Variants in OR8D4 observed in about 807,000 individuals in gnomAD.
OR8D4 encodes the protein olfactory receptor family 8 subfamily D member 4.
For missense variants in OR8D4, 359 were observed against 372.6 expected (o/e 0.96, Z 0.30); for synonymous variants, 141 against 134.8 (o/e 1.05, Z -0.32).
chr11:123,902,376 G>A (rs577540516), intron 1 of OR8D4, 119 bp downstream of exon 1: 1 of 152,210 alleles, frequency 6.6e-6, no homozygotes, highest in African/African-American at 2.4e-5. Context: ...AGTCACAGAA[G>A]TTTAGGGAAG....
In OR8D4 at chr11:123,906,463, A is replaced by C. The variant is rs1162581146; in HGVS notation, c.32A>C (p.Glu11Ala). 3 of 1,610,730 alleles carry C rather than the reference A, an allele frequency of 1.9e-6. No individual in the cohort carries two copies. Among genetic ancestry groups the C allele is most frequent in the African/African-American group, 1.3e-5 (1 of 74,888 alleles). The change falls in exon 2 of 2, where the codon GAG (glutamate) becomes GCG (alanine). Residue 11 changes from glutamate (E) to alanine (A), a missense_variant. Physicochemically the swap from Glu to Ala is moderately radical, Grantham distance 107. Coordinates refer to ENST00000641687, the MANE Select transcript of OR8D4 (RefSeq NM_001005197.2). Reference sequence around the variant, plus strand: ...GTAAAAAACCATTCCACAGTGACTGAGTTTCTTCTTTCAGGATTAACTGAA... The same window carrying C: ...GTAAAAAACCATTCCACAGTGACTGCGTTTCTTCTTTCAGGATTAACTGAA... MGVKNHSTVT[E>A]FLLSGLTEQA... is the part of the protein sequence containing the mutation.
At position 123,905,604 on chromosome 11, in the gene OR8D4, CT is replaced by C. The variant is rs1463568304; in HGVS notation, c.-15-812del. ...AATTCACCTTAACAGTAGATACCTT[CT>C]CTATAGGAAATCCTGGAGGAAGAGT... On this transcript the variant is annotated intron_variant, in intron 1 of 1. Coordinates refer to ENST00000641687, the MANE Select transcript of OR8D4 (RefSeq NM_001005197.2). 7.9e-5 allele frequency among the ~76,000 whole-genome samples: 12 copies of C among 152,304 alleles called. 1 individual carries two copies. The East Asian group carries it at 2.3e-3, about 29-fold the overall frequency.
In OR8D4 at chr11:123,906,854, T is replaced by C; in HGVS notation, c.423T>C (p.Cys141=). ...LYRVIMSPRV[C]SLLVAAVFSV... ...GGGTCATCATGTCCCCTAGGGTCTG[T>C]TCTCTGCTGGTGGCTGCTGTCTTCT... is the stretch of plus-strand genomic sequence containing the variant. The change falls in exon 2 of 2, where the codon TGT becomes TGC. Residue 141 remains cysteine, a synonymous_variant. Transcript: ENST00000641687. 6.2e-7 allele frequency: 1 copy of C among 1,614,046 alleles called. No homozygotes were observed. The highest frequency in any genetic ancestry group is 8.5e-7 in the Non-Finnish European group (1 of 1,179,956).
At chr11:123,905,965 C>T (rs1219190979) in intron 1 of OR8D4, among the ~76,000 whole-genome samples, 1 of 152,148 alleles carries the variant, frequency 6.6e-6, no homozygotes, top group Non-Finnish European at 1.5e-5. Context: ...AAATATCATC[C>T]TATAAAATTT....
At position 123,906,611 on chromosome 11, in the gene OR8D4, C is replaced by T; in HGVS notation, c.180C>T (p.Tyr60=). The T allele has an allele frequency of 3.1e-6, 5 of 1,613,956 alleles. No homozygotes were observed. The highest frequency in any genetic ancestry group is 4.2e-6 in the Non-Finnish European group (5 of 1,179,824). The part of the protein sequence containing the change: ...RLNRQLHTPM[Y]YFLSSLSFLD... ...ATCGTCAACTTCATACCCCCATGTACTATTTCCTGAGTAGTTTGTCTTTTT... is the reference window on the plus strand; with the variant it reads ...ATCGTCAACTTCATACCCCCATGTATTATTTCCTGAGTAGTTTGTCTTTTT... Residue 60 remains tyrosine (Y), a synonymous_variant, in exon 2 of 2, where the codon TAC becomes TAT. Coordinates refer to ENST00000641687, the MANE Select transcript of OR8D4 (RefSeq NM_001005197.2).
chr11:123,904,431 A>G (rs770549080), intron 1 of OR8D4, among the ~76,000 whole-genome samples: 62 of 152,176 alleles, frequency 4.1e-4, no homozygotes, highest in Non-Finnish European at 1.2e-4. Flanking sequence ...TAAAAAACCC[A>G]TGATATTAAA....
rs74740497 is a variant in OR8D4 at position 123,906,734 on chromosome 11, G to GTT, written c.310_311dup (p.Cys105SerfsTer48). 3 of 1,612,352 alleles carry GTT rather than the reference G, an allele frequency of 1.9e-6. No individual in the cohort carries two copies. The highest frequency in any genetic ancestry group is 2.7e-5 in the African/African-American group (2 of 74,878). ...CCTATTCTGGATGCATGATTCAGCT[G>GTT]TTTTTTTTCTGTGTTTGTGTTATTT... On this transcript the variant is annotated frameshift_variant, in exon 2 of 2. Coordinates refer to ENST00000641687, the MANE Select transcript of OR8D4 (RefSeq NM_001005197.2). LOFTEE classifies it low-confidence loss of function (END_TRUNC).
Position 123,907,049 on chromosome 11 carries a change from C to T in OR8D4, c.618C>T (p.Asn206=), listed in dbSNP as rs1316596058. The T allele has an allele frequency of 1.9e-6, 3 of 1,614,078 alleles. No individual in the cohort carries two copies. The highest frequency in any genetic ancestry group is 2.2e-5 in the East Asian group (1 of 44,856). ...ELLIFVIGGF[N]MVATSLTIII... is the part of the protein sequence containing the mutation. Reference sequence around the variant, plus strand: ...TGATTTTTGTCATTGGTGGATTTAACATGGTGGCCACAAGCCTAACAATCA... The same window carrying T: ...TGATTTTTGTCATTGGTGGATTTAATATGGTGGCCACAAGCCTAACAATCA... The change falls in exon 2 of 2, where the codon AAC becomes AAT. Residue 206 remains asparagine, a synonymous_variant. Coordinates refer to ENST00000641687, the MANE Select transcript of OR8D4 (RefSeq NM_001005197.2).
chr11:123,905,374 C>T (rs568018944), intron 1 of OR8D4, among the ~76,000 whole-genome samples: 7 of 152,266 alleles, frequency 4.6e-5, no homozygotes, highest in African/African-American at 1.7e-4. Flanking sequence ...GGCCTATCAC[C>T]AAGTAAGTTT....
At chr11:123,905,687 T>TAG (rs1338905763) in intron 1 of OR8D4, among the ~76,000 whole-genome samples, 2 of 152,152 alleles carry the variant, frequency 1.3e-5, no homozygotes, top group Non-Finnish European at 2.9e-5. Flanking sequence ...CAGCCTCTAG[T>TAG]TTATGCACCT....
intron 1 of OR8D4, 141 bp from the exon 2 acceptor site, chr11:123,906,276 C>T: frequency 1.7e-6 from 1 of 583,710 alleles, no homozygotes; most frequent in South Asian, 2.3e-5. Flanking sequence ...TAGATGCTTA[C>T]CGACTCCATT....
At chr11:123,905,788 C>A (rs1048736121) in intron 1 of OR8D4, among the ~76,000 whole-genome samples, 1 of 152,130 alleles carries the variant, frequency 6.6e-6, no homozygotes, top group African/African-American at 2.4e-5. Flanking sequence ...AAAGAGAAAG[C>A]AGATGAGCTA....
At position 123,907,216 on chromosome 11, in the gene OR8D4, C is replaced by T. The variant is rs978160525; in HGVS notation, c.785C>T (p.Pro262Leu). ...YGSLMSMYLK[P>L]ASSSSLTQEK... ...TCTCTGATGTCCATGTATCTCAAAC[C>T]TGCTTCTAGCAGTTCACTCACCCAG... The change falls in exon 2 of 2, where the codon CCT becomes CTT. Residue 262 changes from proline to leucine, a missense_variant. Coordinates refer to ENST00000641687, the MANE Select transcript of OR8D4 (RefSeq NM_001005197.2). The T allele has an allele frequency of 4.3e-6, 7 of 1,613,894 alleles. No individual in the cohort carries two copies. The South Asian group carries it at 5.5e-5, about 13-fold the overall frequency.
At position 123,908,706 on chromosome 11, in the gene OR8D4, C is replaced by T. The variant is rs1565569959; in HGVS notation, c.*1330C>T. On this transcript the variant is annotated 3_prime_UTR_variant, in exon 2 of 2. Transcript: ENST00000641687. ...TTTTCAGTGGTTCAAATTCTACTCTCAATAGAGCTCTTTGAAGAAAGGACA... is the reference window on the plus strand; with the variant it reads ...TTTTCAGTGGTTCAAATTCTACTCTTAATAGAGCTCTTTGAAGAAAGGACA... 2 of 152,096 alleles carry T rather than the reference C, an allele frequency of 1.3e-5. No homozygotes were observed. Among genetic ancestry groups the T allele is most frequent in the Non-Finnish European group, 2.9e-5 (2 of 68,018 alleles). The allele number at this position is 152,096 out of a possible 1,614,324, so 9.4% of individuals were successfully genotyped here.
In OR8D4 at chr11:123,907,371, G is replaced by A; in HGVS notation, c.940G>A (p.Gly314Arg). 8.8e-7 allele frequency: 1 copy of A among 1,139,946 alleles called. No homozygotes were observed. The highest frequency in any genetic ancestry group is 1.5e-5 in the South Asian group (1 of 68,908). The allele number at this position is 1,139,946 out of a possible 1,614,324, so 70.6% of individuals were successfully genotyped here. A position where few individuals can be genotyped will look rare whatever the true frequency, so the allele number is the denominator to read the frequency against. Residue 314 changes from glycine (G) to arginine (R), a missense_variant, in exon 2 of 2, where the codon GGA becomes AGA. Physicochemically the swap from Gly to Arg is moderately radical, Grantham distance 125 (BLOSUM62 -2). Coordinates refer to ENST00000641687, the MANE Select transcript of OR8D4 (RefSeq NM_001005197.2). ...AAGAAGAAAAATATCTTTATCTCCA[G>A]GATAAATATGCTCTTTATTAAGATC... ...LLRRKISLSP[G>R]
chr11:123,903,306 A>G (rs921111616), intron 1 of OR8D4, among the ~76,000 whole-genome samples: 1 of 152,144 alleles, frequency 6.6e-6, no homozygotes, highest in Non-Finnish European at 1.5e-5. Flanking sequence ...ATGGATATCA[A>G]GGACTGAACT....
In OR8D4 at chr11:123,906,872, T is replaced by C. The variant is rs559290948; in HGVS notation, c.441T>C (p.Ala147=). 5.6e-6 allele frequency: 9 copies of C among 1,614,102 alleles called. No homozygotes were observed. The highest frequency in any genetic ancestry group is 1.7e-4 in the Middle Eastern group (1 of 6,058). The change falls in exon 2 of 2, where the codon GCT becomes GCC. Residue 147 remains alanine (A), a synonymous_variant. Coordinates refer to ENST00000641687, the MANE Select transcript of OR8D4 (RefSeq NM_001005197.2). ...SPRVCSLLVA[A]VFSVGFTDAV... ...GGGTCTGTTCTCTGCTGGTGGCTGC[T>C]GTCTTCTCAGTAGGTTTCACTGATG... is the stretch of plus-strand genomic sequence containing the variant.
At chr11:123,906,039 G>A (rs919149475) in intron 1 of OR8D4, 2 of 175,046 alleles carry the variant, frequency 1.1e-5, no homozygotes, top group Non-Finnish European at 2.4e-5. Flanking sequence ...CCCTGGCAAC[G>A]TATTTTCCTA....
Position 123,907,939 on chromosome 11 carries a change from T to C in OR8D4, c.*563T>C, listed in dbSNP as rs544559119. 2 of 152,240 alleles carry C rather than the reference T, an allele frequency of 1.3e-5. No homozygotes were observed. Among genetic ancestry groups the C allele is most frequent in the East Asian group, 3.9e-4 (2 of 5,180 alleles). The allele number at this position is 152,240 out of a possible 1,614,324, so 9.4% of individuals were successfully genotyped here. ...TGAACAACAATTTTTATCTTTAGTT[T>C]CCTGAATCCAAGCCCAAAAGGAAAT... On this transcript the variant is annotated 3_prime_UTR_variant, in exon 2 of 2. Transcript: ENST00000641687.
Sources: gnomAD v4.1 joint callset for allele counts (sites outside exome capture counted in the v4.1 genomes callset) on GRCh38, gnomAD v4.1.1 for gene constraint, MANE v1.5 for transcripts, NCBI Gene and HGNC (gene_info 2026-07-23, HGNC 2026-07-21) for gene names.